The following USP45 variants were observed in gnomAD, a reference collection of about 807,000 sequenced individuals.
USP45 encodes the protein ubiquitin carboxyl-terminal hydrolase 45.
In USP45, 89 loss-of-function variants were observed where a neutral mutation model predicts 95.8. The observed-to-expected ratio is 0.93, with a 90% CI of 0.78 to 1.11. USP45 has a LOEUF of 1.11. USP45 is among the 50% of genes least tolerant of loss of function. The probability of loss-of-function intolerance (pLI) is 0.00; values close to 1 mark genes in which losing one functional copy is unlikely to be tolerated. For missense variants in USP45, 898 were observed against 942.5 expected (o/e 0.95, Z 0.62); for synonymous variants, 281 against 316.2 (o/e 0.89, Z 1.18).
chr6:99,474,397 T>C (rs1190653997), intron 9 of USP45, among the ~76,000 whole-genome samples: 1 of 152,138 alleles, frequency 6.6e-6, no homozygotes, highest in Non-Finnish European at 1.5e-5. Context: ...ATGGTTTCAC[T>C]ATATTGGCCA....
At chr6:99,476,905 G>C (rs1011828087) in intron 8 of USP45, among the ~76,000 whole-genome samples, 76 of 152,228 alleles carry the variant, frequency 5.0e-4, no homozygotes, top group Admixed American at 3.8e-3. Context: ...TAACTTAATA[G>C]AAAGATCAGG....
At chr6:99,501,973 T>C (rs1248740438) in intron 5 of USP45, 1 of 1,303,224 alleles carries the variant, frequency 7.7e-7, no homozygotes, top group East Asian at 5.6e-5. Context: ...CCCTAGACAG[T>C]TTATGCTGAA....
At chr6:99,458,605 T>C (rs922290220) in intron 13 of USP45, among the ~76,000 whole-genome samples, 1 of 152,228 alleles carries the variant, frequency 6.6e-6, no homozygotes, top group African/African-American at 2.4e-5. Flanking sequence ...TGTTATTTAA[T>C]CCACCTCTTG....
rs1779964533 is a variant in USP45 at position 99,433,157 on chromosome 6, A to G, written c.*2559T>C. 1 of 152,324 alleles carries G rather than the reference A, an allele frequency of 6.6e-6. No homozygotes were observed. Among genetic ancestry groups the G allele is most frequent in the Non-Finnish European group, 1.5e-5 (1 of 68,038 alleles). The allele number at this position is 152,324 out of a possible 1,614,324, so 9.4% of individuals were successfully genotyped here. The stretch of plus-strand genomic sequence containing the variant: ...ATGCCTGGCTAACAAATTGATACCA[A>G]CTATCACTCTTCTCAGCTACCTAAA... On this transcript the variant is annotated 3_prime_UTR_variant, in exon 18 of 18. Coordinates refer to ENST00000500704, the MANE Select transcript of USP45 (RefSeq NM_001346022.3).
In USP45 at chr6:99,442,948, T is replaced by G. The variant is rs201484410; in HGVS notation, c.2073+617A>C. Among the ~76,000 whole-genome samples, 33 of 152,204 alleles carry G rather than the reference T, an allele frequency of 2.2e-4. No individual in the cohort carries two copies. In the East Asian group the frequency reaches 5.0e-3, roughly 23 times the overall value. On this transcript the variant is annotated intron_variant, in intron 15 of 17. Transcript: ENST00000500704. ...TGAAAATTGTATGGGCTGGGTGTGG[T>G]GGCTCATGCCTGTAATCCCAGCACT...
chr6:99,461,976 T>C, intron 13 of USP45: 1 of 985,378 alleles, frequency 1.0e-6, no homozygotes, highest in Non-Finnish European at 1.2e-6. Context: ...AAATAACTTC[T>C]AAACGTAAAC....
chr6:99,468,824 G>GT (rs1439811769), intron 9 of USP45, among the ~76,000 whole-genome samples: 1 of 152,080 alleles, frequency 6.6e-6, no homozygotes, highest in Non-Finnish European at 1.5e-5. Flanking sequence ...ATTTTCCCAA[G>GT]TAAGAGTCAG....
intron 7 of USP45, among the ~76,000 whole-genome samples, chr6:99,484,761 AGT>A (rs1793433260): frequency 6.6e-6 from 1 of 151,226 alleles, no homozygotes. Flanking sequence ...ACTGCACCCC[AGT>A]GTGAGTGACA....
At chr6:99,508,996 G>A (rs72926237) in intron 2 of USP45, among the ~76,000 whole-genome samples, 4,877 of 152,244 alleles carry the variant, frequency 0.032, 117 homozygotes, top group Non-Finnish European at 0.048. Context: ...ATGGTTGTAG[G>A]GAGCAATGGA....
intron 16 of USP45, 73 bp downstream of exon 16, chr6:99,439,696 T>C: frequency 1.9e-6 from 2 of 1,069,896 alleles, no homozygotes; most frequent in Non-Finnish European, 1.3e-6. Flanking sequence ...AGAAAAAGCA[T>C]TGTCTAATAA....
At chr6:99,477,692 G>A (rs1289774529) in intron 8 of USP45, among the ~76,000 whole-genome samples, 2 of 152,126 alleles carry the variant, frequency 1.3e-5, no homozygotes, top group African/African-American at 2.4e-5. Flanking sequence ...GTGAGTCCCT[G>A]ACTGCTAAAA....
chr6:99,458,300 T>C (rs922898057), intron 13 of USP45, among the ~76,000 whole-genome samples: 1 of 152,192 alleles, frequency 6.6e-6, no homozygotes, highest in Admixed American at 6.5e-5. Context: ...ATTACAGGCG[T>C]GAGCCACCGC....
chr6:99,516,315 G>A (rs1475648889), upstream of USP45, among the ~76,000 whole-genome samples: 1 of 152,176 alleles, frequency 6.6e-6, no homozygotes, highest in Non-Finnish European at 1.5e-5. Context: ...TTTCAATCAT[G>A]GATATTGCAA....
rs560907853 is a variant in USP45, at chr6:99,447,695, T to C, written c.1309-1232A>G. On this transcript the variant is annotated intron_variant, in intron 13 of 17. Coordinates refer to ENST00000500704, the MANE Select transcript of USP45 (RefSeq NM_001346022.3). ...CCCTGTCTGACAGCTTTGAAGAGAG[T>C]AGTGGTTCTCGCAGCACAGAGTTTG... Among the ~76,000 whole-genome samples, 354 of 151,578 alleles carry C rather than the reference T, an allele frequency of 2.3e-3. 2 individuals carry two copies. Among genetic ancestry groups the C allele is most frequent in the African/African-American group, 8.3e-3 (343 of 41,294 alleles).
rs137988377 is a variant in USP45, at chr6:99,446,538, A to G, written c.1309-75T>C. ...AAATAAATGCCAATAATTCTTAAAC[A>G]TATCATAGTTATTAAATACCATTTC... On this transcript the variant is annotated intron_variant, in intron 13 of 17. Transcript: ENST00000500704. 506 of 1,305,596 alleles carry G rather than the reference A, an allele frequency of 3.9e-4. 1 individual carries two copies. In the African/African-American group the frequency reaches 6.1e-3, roughly 16 times the overall value. The allele number at this position is 1,305,596 out of a possible 1,614,324, so 80.9% of individuals were successfully genotyped here.
intron 5 of USP45, among the ~76,000 whole-genome samples, chr6:99,500,725 C>G (rs901866576): frequency 6.6e-6 from 1 of 152,164 alleles, no homozygotes; most frequent in Non-Finnish European, 1.5e-5. Flanking sequence ...TCTTTCACCA[C>G]CATATTTTCC....
At chr6:99,457,914 T>A (rs559135456) in intron 13 of USP45, among the ~76,000 whole-genome samples, 1 of 152,292 alleles carries the variant, frequency 6.6e-6, no homozygotes, top group East Asian at 1.9e-4. Context: ...CTCCTACTCC[T>A]AGTGAAATAT....
intron 13 of USP45, among the ~76,000 whole-genome samples, chr6:99,455,094 AAAAAAAAACAAAAAAC>A (rs1449432809): frequency 6.6e-6 from 1 of 150,678 alleles, no homozygotes; most frequent in Non-Finnish European, 1.5e-5. Flanking sequence ...CATCTCAAAA[AAAAAAAAACAAAAAAC>A]AAAAAAACAA....
chr6:99,471,267 A>T (rs1789328889), intron 9 of USP45, among the ~76,000 whole-genome samples: 1 of 152,214 alleles, frequency 6.6e-6, no homozygotes, highest in Non-Finnish European at 1.5e-5. Context: ...TTGTGCTTTG[A>T]ACAATTTAGG....
Sources: allele counts gnomAD v4.1 joint callset (sites outside exome capture counted in the v4.1 genomes callset), GRCh38; gene constraint gnomAD v4.1.1; transcripts MANE v1.5; gene names NCBI Gene and HGNC (gene_info 2026-07-23, HGNC 2026-07-21).